The following KLHL4 variants were observed in gnomAD, a reference collection of about 807,000 sequenced individuals.
KLHL4 encodes kelch like family member 4.
In KLHL4, 17 loss-of-function variants were observed where a neutral mutation model predicts 45.8. The ratio of observed to expected loss-of-function variants is 0.37; its 90% confidence interval spans 0.25 to 0.56. The LOEUF (loss-of-function observed/expected upper bound fraction) is 0.56, where lower values mean the gene tolerates loss of function less well. KLHL4 is among the 20% of genes least tolerant of loss of function. The pLI, the probability that KLHL4 is intolerant of heterozygous loss-of-function variation, is 0.79. For synonymous variants in KLHL4, 224 were observed against 189.9 expected, an observed-to-expected ratio of 1.18 and a Z score of -1.47; for missense variants, 544 against 544.9, an observed-to-expected ratio of 1.00 and a Z score of 0.02.
At chrX:87,599,465 A>G (rs1921939676) in intron 1 of KLHL4, among the ~76,000 whole-genome samples, 1 of 111,889 alleles carries the variant, frequency 8.9e-6, no homozygotes, top group South Asian at 3.6e-4. Context: ...TCAAAAACAT[A>G]TGTACTGTAT....
At chrX:87,638,402 T>C (rs1358642971) in intron 9 of KLHL4, among the ~76,000 whole-genome samples, 1 of 111,610 alleles carries the variant, frequency 9.0e-6, no homozygotes, top group Non-Finnish European at 1.9e-5. Context: ...TTTGGTTATC[T>C]AAAGTCAAAA....
At chrX:87,646,153 C>A (rs183600975) in intron 9 of KLHL4, among the ~76,000 whole-genome samples, 2 of 111,304 alleles carry the variant, frequency 1.8e-5, no homozygotes, top group Admixed American at 9.6e-5. Context: ...GCTGCAACAA[C>A]AACAACAACA....
Position 87,667,882 on chromosome X carries a change from A to G in KLHL4, c.*1348A>G. The G allele has an allele frequency of 1.5e-6, 1 of 677,088 alleles. No homozygotes were observed. Among genetic ancestry groups the G allele is most frequent in the Non-Finnish European group, 1.8e-6 (1 of 568,885 alleles). The allele number at this position is 677,088 out of a possible 1,213,427, so 55.8% of individuals were successfully genotyped here. A position where few individuals can be genotyped will look rare whatever the true frequency, so the allele number is the denominator to read the frequency against. On this transcript the variant is annotated 3_prime_UTR_variant, in exon 11 of 11. Transcript: ENST00000373119. ...AAGAAAGAAGAACGTAAGTTGTACAAAGATATTTGTACTTTGACAAACTGA... is the reference window on the plus strand; with the variant it reads ...AAGAAAGAAGAACGTAAGTTGTACAGAGATATTTGTACTTTGACAAACTGA...
intron 9 of KLHL4, among the ~76,000 whole-genome samples, chrX:87,659,498 G>T (rs1264446713): frequency 9.0e-6 from 1 of 110,829 alleles, no homozygotes; most frequent in Admixed American, 9.6e-5. Flanking sequence ...TCTTACTTCT[G>T]TTTCTTGAGT....
chrX:87,544,023 A>C (rs5967847), intron 1 of KLHL4, among the ~76,000 whole-genome samples: 27,406 of 109,285 alleles, frequency 0.25, 2,977 homozygotes, highest in East Asian at 0.51. Context: ...ATCCTTGGGG[A>C]CCCTGATTTC....
In KLHL4 at chrX:87,625,794, A is replaced by G. The variant is rs1922906302; in HGVS notation, c.1322A>G (p.Lys441Arg). Residue 441 changes from lysine (K) to arginine (R), a missense_variant and splice_region_variant, in exon 6 of 11, where the codon AAA becomes AGA. Coordinates refer to ENST00000373119, the MANE Select transcript of KLHL4 (RefSeq NM_019117.5). ...LYAVGGMDAM[K>R]GTTTIEKYDL... is the part of the protein sequence containing the mutation. ...GCTGTAGGAGGCATGGATGCTATGA[A>G]AGGTAAAAATAACTTAGAGTGTCTT... The G allele has an allele frequency of 8.4e-7, 1 of 1,188,580 alleles. No individual in the cohort carries two copies. The highest frequency in any genetic ancestry group is 1.1e-6 in the Non-Finnish European group (1 of 881,255).
At chrX:87,643,393 G>A (rs752985635) in intron 9 of KLHL4, among the ~76,000 whole-genome samples, 5 of 110,914 alleles carry the variant, frequency 4.5e-5, no homozygotes, top group African/African-American at 1.6e-4. Flanking sequence ...ATAACAAGCA[G>A]CAAGATTGAA....
intron 1 of KLHL4, among the ~76,000 whole-genome samples, chrX:87,530,891 T>C (rs1462517914): frequency 9.1e-6 from 1 of 110,293 alleles, no homozygotes; most frequent in Admixed American, 9.7e-5. Context: ...CCACCAACAG[T>C]GTAAAAGTGT....
intron 1 of KLHL4, among the ~76,000 whole-genome samples, chrX:87,559,784 T>C (rs1602416932): frequency 1.0e-5 from 1 of 100,123 alleles, no homozygotes; most frequent in East Asian, 3.3e-4. Flanking sequence ...AAAATTTGTA[T>C]ACTAATAACT....
At chrX:87,529,453 G>T (rs1215187852) in intron 1 of KLHL4, among the ~76,000 whole-genome samples, 1 of 110,331 alleles carries the variant, frequency 9.1e-6, no homozygotes, top group Non-Finnish European at 1.9e-5. Flanking sequence ...TTAATATAAT[G>T]ATTAATATTA....
At chrX:87,518,757 G>T (rs2147757975) in intron 1 of KLHL4, among the ~76,000 whole-genome samples, 1 of 111,735 alleles carries the variant, frequency 8.9e-6, no homozygotes, top group African/African-American at 3.2e-5. Context: ...TGTTTCCTTA[G>T]TACATAGTTG....
chrX:87,630,961 G>A (rs1023671485), intron 6 of KLHL4, among the ~76,000 whole-genome samples: 5 of 111,157 alleles, frequency 4.5e-5, no homozygotes, highest in African/African-American at 1.3e-4. Context: ...ATAGCTCTCC[G>A]CTACAGAGAA....
At chrX:87,602,732 T>C (rs1394427863) in intron 1 of KLHL4, among the ~76,000 whole-genome samples, 1 of 111,619 alleles carries the variant, frequency 9.0e-6, no homozygotes, top group Non-Finnish European at 1.9e-5. Flanking sequence ...GTATATATAG[T>C]GTATCTTTGT....
chrX:87,526,479 A>G (rs1452888424), intron 1 of KLHL4, among the ~76,000 whole-genome samples: 2 of 111,973 alleles, frequency 1.8e-5, no homozygotes, highest in African/African-American at 6.5e-5. Context: ...AAGAAGTGCA[A>G]TGTAAGAAAA....
intron 1 of KLHL4, among the ~76,000 whole-genome samples, chrX:87,584,398 G>A (rs892000138): frequency 8.9e-6 from 1 of 112,175 alleles, no homozygotes; most frequent in Non-Finnish European, 1.9e-5. Context: ...GGTAAACAGA[G>A]ATATGTAACC....
intron 1 of KLHL4, among the ~76,000 whole-genome samples, chrX:87,529,796 A>C (rs772171241): frequency 8.9e-6 from 1 of 112,207 alleles, no homozygotes; most frequent in African/African-American, 3.2e-5. Flanking sequence ...GTAAAAAATA[A>C]AATGTATCTT....
intron 1 of KLHL4, among the ~76,000 whole-genome samples, chrX:87,577,933 C>A (rs1921149814): frequency 9.0e-6 from 1 of 111,079 alleles, no homozygotes; most frequent in African/African-American, 3.3e-5. Flanking sequence ...GGGTCTTAAT[C>A]AATAAATTAA....
chrX:87,635,511 G>T, intron 8 of KLHL4, 52 bp from the exon 9 acceptor site: 1 of 952,340 alleles, frequency 1.1e-6, no homozygotes. Flanking sequence ...CATTTTGTGT[G>T]TATATGTATA....
intron 9 of KLHL4, among the ~76,000 whole-genome samples, chrX:87,653,627 G>A (rs775993604): frequency 9.0e-6 from 1 of 111,465 alleles, no homozygotes; most frequent in South Asian, 3.8e-4. Context: ...TCTCATTACT[G>A]GGTATATACC....
Sources: gnomAD v4.1 joint callset for allele counts (sites outside exome capture counted in the v4.1 genomes callset) on GRCh38, gnomAD v4.1.1 for gene constraint, MANE v1.5 for transcripts, NCBI Gene and HGNC (gene_info 2026-07-23, HGNC 2026-07-21) for gene names.